PRKAR1B: variants seen among roughly 807,000 people sequenced by gnomAD.
The protein encoded by PRKAR1B is protein kinase cAMP-dependent type I regulatory subunit beta, also known as cAMP-dependent protein kinase type I-beta regulatory subunit.
A neutral mutation model predicts 46.5 loss-of-function variants in PRKAR1B; 22 were observed. That is an observed-to-expected ratio of 0.47 (90% CI 0.34 to 0.68). The LOEUF (loss-of-function observed/expected upper bound fraction) is 0.68. Among genes scored for constraint, PRKAR1B ranks in the 30% least tolerant of loss-of-function variants. PRKAR1B has a pLI of 0.01. For synonymous variants in PRKAR1B, 259 were observed against 217.7 expected (o/e 1.19, Z -1.67); for missense variants, 445 against 535.6 (o/e 0.83, Z 1.67).
At chr7:553,238 C>G (rs1468164475) in intron 9 of PRKAR1B, among the ~76,000 whole-genome samples, 1 of 152,240 alleles carries the variant, frequency 6.6e-6, no homozygotes, top group Non-Finnish European at 1.5e-5. Context: ...TTCCTCTGAA[C>G]AGCCGGGGAA....
At chr7:676,539 T>C (rs1409952128) in intron 4 of PRKAR1B, among the ~76,000 whole-genome samples, 1 of 152,110 alleles carries the variant, frequency 6.6e-6, no homozygotes, top group Non-Finnish European at 1.5e-5. Context: ...CCTGCCTAGG[T>C]ATAGCGCGCG....
chr7:647,483 C>G (rs1412439875), intron 4 of PRKAR1B, among the ~76,000 whole-genome samples: 1 of 152,034 alleles, frequency 6.6e-6, no homozygotes, highest in Non-Finnish European at 1.5e-5. Context: ...GAATAACCAC[C>G]CATTTGCTAT....
At chr7:654,003 C>T (rs1785051331) in intron 4 of PRKAR1B, among the ~76,000 whole-genome samples, 1 of 151,614 alleles carries the variant, frequency 6.6e-6, no homozygotes, top group Non-Finnish European at 1.5e-5. Context: ...TCTTCATCAC[C>T]ATCTCTATCT....
At chr7:616,315 C>T (rs1422610333) in intron 4 of PRKAR1B, among the ~76,000 whole-genome samples, 3 of 152,256 alleles carry the variant, frequency 2.0e-5, no homozygotes, top group Non-Finnish European at 2.9e-5. Flanking sequence ...CACAGACCAC[C>T]GCAGATGGGG....
At chr7:561,682 G>A (rs964992760) in intron 9 of PRKAR1B, among the ~76,000 whole-genome samples, 25 of 152,262 alleles carry the variant, frequency 1.6e-4, no homozygotes, top group African/African-American at 5.3e-4. Flanking sequence ...TCCTCGGGAC[G>A]ACAGCGAAAA....
chr7:620,423 CA>C (rs2128473501), intron 4 of PRKAR1B, among the ~76,000 whole-genome samples: 1 of 152,306 alleles, frequency 6.6e-6, no homozygotes, highest in Non-Finnish European at 1.5e-5. Context: ...GGCATCCTTT[CA>C]AATTCTATTC....
At chr7:703,248 C>T (rs1780153893) in intron 2 of PRKAR1B, among the ~76,000 whole-genome samples, 1 of 152,124 alleles carries the variant, frequency 6.6e-6, no homozygotes, top group East Asian at 1.9e-4. Flanking sequence ...AGCTCCAAAA[C>T]ACATAAAGCA....
chr7:555,799 T>C (rs1194832824), intron 9 of PRKAR1B, among the ~76,000 whole-genome samples: 2 of 152,202 alleles, frequency 1.3e-5, no homozygotes, highest in Non-Finnish European at 2.9e-5. Flanking sequence ...ACCCGAAGGC[T>C]GCAGTCACCC....
intron 1 of PRKAR1B, among the ~76,000 whole-genome samples, chr7:724,010 T>C (rs570254683): frequency 3.9e-4 from 60 of 152,348 alleles, no homozygotes; most frequent in Non-Finnish European, 7.1e-4. Flanking sequence ...AGCAGTCATA[T>C]TGGATGAGTG....
At chr7:563,637 G>C (rs1778947895) in intron 9 of PRKAR1B, among the ~76,000 whole-genome samples, 1 of 152,110 alleles carries the variant, frequency 6.6e-6, no homozygotes, top group Non-Finnish European at 1.5e-5. Flanking sequence ...GTGTGTGCAT[G>C]TGTGCCAGAA....
At chr7:641,460 T>A (rs1164643045) in intron 4 of PRKAR1B, among the ~76,000 whole-genome samples, 1 of 152,168 alleles carries the variant, frequency 6.6e-6, no homozygotes, top group East Asian at 1.9e-4. Context: ...GATGACGCCG[T>A]ATTGTTCATA....
intron 4 of PRKAR1B, among the ~76,000 whole-genome samples, chr7:617,211 T>C (rs926370066): frequency 1.3e-5 from 2 of 151,874 alleles, no homozygotes; most frequent in Admixed American, 1.3e-4. Context: ...GCCAGGCTGG[T>C]CTCGAACTCC....
At chr7:651,849 G>A (rs1438836556) in intron 4 of PRKAR1B, among the ~76,000 whole-genome samples, 1 of 110,978 alleles carries the variant, frequency 9.0e-6, no homozygotes, top group Non-Finnish European at 1.8e-5. Flanking sequence ...ACGGAGCTAG[G>A]AACCTGGGGA....
chr7:551,792 T>C (rs866316613), intron 9 of PRKAR1B, among the ~76,000 whole-genome samples: 99 of 38,838 alleles, frequency 2.5e-3, no homozygotes, highest in African/African-American at 7.0e-3. Context: ...GCCACTGCCA[T>C]CACCATGTCA....
In PRKAR1B at chr7:554,012, G is replaced by C. The variant is rs866305848; in HGVS notation, c.892-2542C>G. Among the ~76,000 whole-genome samples the C allele has an allele frequency of 2.6e-5, 4 of 152,390 alleles. No homozygotes were observed. In the Middle Eastern group the frequency reaches 0.01, roughly 389 times the overall value. On this transcript the variant is annotated intron_variant, in intron 9 of 10. Transcript: ENST00000537384. Reference sequence around the variant, plus strand: ...GGGTGCCCACAGACTCAGACCCCGGGCGCTGGAGAGAGGGAAGACTCCGTG... The same window carrying C: ...GGGTGCCCACAGACTCAGACCCCGGCCGCTGGAGAGAGGGAAGACTCCGTG...
At chr7:646,771 T>A (rs1784640572) in intron 4 of PRKAR1B, among the ~76,000 whole-genome samples, 1 of 152,198 alleles carries the variant, frequency 6.6e-6, no homozygotes. Context: ...TAATTAAGAC[T>A]AAGCCATGTT....
intron 4 of PRKAR1B, among the ~76,000 whole-genome samples, chr7:632,250 C>T (rs990446260): frequency 3.9e-5 from 6 of 152,324 alleles, no homozygotes; most frequent in East Asian, 3.9e-4. Flanking sequence ...TTCTGCCAGA[C>T]GCCCAGCAGC....
At chr7:550,723 G>A (rs1454153889) in intron 10 of PRKAR1B, 121 bp from the exon 11 acceptor site, 12 of 784,658 alleles carry the variant, frequency 1.5e-5, no homozygotes, top group African/African-American at 5.3e-5. Flanking sequence ...CCAGGCACAC[G>A]TGAATTTCAA....
intron 2 of PRKAR1B, among the ~76,000 whole-genome samples, chr7:683,576 G>A (rs1331849265): frequency 1.3e-5 from 2 of 152,204 alleles, no homozygotes; most frequent in African/African-American, 2.4e-5. Flanking sequence ...CTGGGACATG[G>A]GTGGGAGCTC....
Sources: allele counts gnomAD v4.1 joint callset (sites outside exome capture counted in the v4.1 genomes callset), GRCh38; gene constraint gnomAD v4.1.1; transcripts MANE v1.5; gene names NCBI Gene and HGNC (gene_info 2026-07-23, HGNC 2026-07-21).